Variants in ADPRH observed in about 807,000 individuals in gnomAD.
The protein encoded by ADPRH is ADP-ribosylarginine hydrolase.
In ADPRH, 27 loss-of-function variants were observed where a neutral mutation model predicts 28.8. That is an observed-to-expected ratio of 0.94 (90% CI 0.69 to 1.29). The LOEUF is 1.29. ADPRH is among the 50% of genes most tolerant of loss of function. The pLI is 0.00. For synonymous variants in ADPRH, 161 were observed against 166.9 expected (o/e 0.96, Z 0.27); for missense variants, 419 against 444.8 (o/e 0.94, Z 0.52).
chr3:119,582,272 C>A lies in ADPRH; in HGVS notation c.103C>A (p.Arg35=), dbSNP rs758479726. The change falls in exon 3 of 5, where the codon CGG becomes AGG. Residue 35 remains arginine (R), a synonymous_variant. Transcript: ENST00000357003. ...EFLQDGEKIH[R]QLAQLGGLDA... ...CCTCCAGGATGGGGAGAAGATACACCGGCAGTTGGCCCAGCTGGGCGGCTT... is the reference window on the plus strand; with the variant it reads ...CCTCCAGGATGGGGAGAAGATACACAGGCAGTTGGCCCAGCTGGGCGGCTT... 1 of 1,614,030 alleles carries A rather than the reference C, an allele frequency of 6.2e-7. No homozygotes were observed. Among genetic ancestry groups the A allele is most frequent in the African/African-American group, 1.3e-5 (1 of 74,910 alleles).
rs568146575 is a variant in ADPRH at position 119,588,108 on chromosome 3, G to A, written c.*230G>A. 18 of 380,764 alleles carry A rather than the reference G, an allele frequency of 4.7e-5. No homozygotes were observed. Among genetic ancestry groups the A allele is most frequent in the East Asian group, 2.7e-4 (7 of 25,766 alleles). 23.6% of individuals were successfully genotyped at this position (380,764 alleles called of 1,614,324 possible). Reference sequence around the variant, plus strand: ...CTTTAGCTCAATTGATAGGGTCAGCGTCTCGCAAGCAAAAAATCTCATGAC... The same window carrying A: ...CTTTAGCTCAATTGATAGGGTCAGCATCTCGCAAGCAAAAAATCTCATGAC... On this transcript the variant is annotated 3_prime_UTR_variant, in exon 5 of 5. Transcript: ENST00000357003.
At chr3:119,581,952 A>G (rs1290862250) in intron 2 of ADPRH, 182 bp from the exon 3 acceptor site, 1 of 511,626 alleles carries the variant, frequency 2.0e-6, no homozygotes, top group African/African-American at 1.9e-5. Flanking sequence ...ATGGTCCTCC[A>G]TTTGTTCATA....
At chr3:119,583,430 TC>T (rs2082426117) in intron 3 of ADPRH, among the ~76,000 whole-genome samples, 1 of 152,146 alleles carries the variant, frequency 6.6e-6, no homozygotes, top group Non-Finnish European at 1.5e-5. Flanking sequence ...AGCCTGATCA[TC>T]CCACATTGTT....
intron 3 of ADPRH, among the ~76,000 whole-genome samples, chr3:119,585,684 G>A (rs888006369): frequency 6.6e-6 from 1 of 152,136 alleles, no homozygotes; most frequent in Admixed American, 6.5e-5. Context: ...CAAATAGCTG[G>A]GACTACAGGC....
At position 119,589,306 on chromosome 3, in the gene ADPRH, A is replaced by C. The variant is rs182393205; in HGVS notation, c.*1428A>C. The C allele has an allele frequency of 6.6e-6, 1 of 152,436 alleles. No homozygotes were observed. The highest frequency in any genetic ancestry group is 1.9e-4 in the East Asian group (1 of 5,194). The allele number at this position is 152,436 out of a possible 1,614,324, so 9.4% of individuals were successfully genotyped here. ...TCGTCACATTCATTTGGTCACCCTC[A>C]GTCCAGCCAGTGGGCTTGCTCTCAT... On this transcript the variant is annotated 3_prime_UTR_variant, in exon 5 of 5. Transcript: ENST00000357003.
chr3:119,586,130 T>C (rs1257627903), intron 3 of ADPRH, among the ~76,000 whole-genome samples, 155 bp from the exon 4 acceptor site: 3 of 152,216 alleles, frequency 2.0e-5, no homozygotes, highest in African/African-American at 7.2e-5. Context: ...GGCACATTGT[T>C]GGGTGGGGTT....
intron 2 of ADPRH, 108 bp from the exon 3 acceptor site, chr3:119,582,026 C>A (rs1014831565): frequency 2.4e-6 from 2 of 824,448 alleles, no homozygotes; most frequent in African/African-American, 1.7e-5. Context: ...GCCACTGATA[C>A]AATGTCTGCA....
chr3:119,587,486 G>T lies in ADPRH; in HGVS notation c.682G>T (p.Glu228Ter). 1 of 1,553,316 alleles carries T rather than the reference G, an allele frequency of 6.4e-7. No homozygotes were observed. The highest frequency in any genetic ancestry group is 2.0e-5 in the Admixed American group (1 of 51,010). ...CAGGTCCTACTTCCAAACCAAATGG[G>T]AAAATTACCTAAAACTTAGAGGGAT... is the stretch of plus-strand genomic sequence containing the variant. ...QHWSYFQTKW[E>*]NYLKLRGILD... Residue 228 changes from glutamate to a stop codon, truncating the protein, a stop_gained, in exon 5 of 5, where the codon GAA (glutamate) becomes TAA (stop). Coordinates refer to ENST00000357003, the MANE Select transcript of ADPRH (RefSeq NM_001125.4). LOFTEE classifies it high-confidence loss of function.
In ADPRH at chr3:119,586,280, C is replaced by T. The variant is rs779502800; in HGVS notation, c.299-5C>T. ...ACCCCCATCCCTTATCCGACTCTTC[C>T]CCAGGTGGTGCCTCGGTGCACAACG... On this transcript the variant is annotated splice_polypyrimidine_tract_variant and splice_region_variant and intron_variant, in intron 3 of 4. Coordinates refer to ENST00000357003, the MANE Select transcript of ADPRH (RefSeq NM_001125.4). The T allele has an allele frequency of 6.2e-7, 1 of 1,612,748 alleles. No homozygotes were observed. The highest frequency in any genetic ancestry group is 8.5e-7 in the Non-Finnish European group (1 of 1,180,006).
At chr3:119,586,730 A>C in intron 4 of ADPRH, 85 bp downstream of exon 4, 1 of 1,544,964 alleles carries the variant, frequency 6.5e-7, no homozygotes. Context: ...TTGTATTCAG[A>C]GATCACAGCA....
Position 119,579,538 on chromosome 3 carries a change from C to T in ADPRH, c.-436C>T, listed in dbSNP as rs767775856. 2.6e-5 allele frequency: 4 copies of T among 152,292 alleles called. No homozygotes were observed. Among genetic ancestry groups the T allele is most frequent in the Non-Finnish European group, 5.9e-5 (4 of 68,078 alleles). 9.4% of individuals were successfully genotyped at this position (152,292 alleles called of 1,614,324 possible). ...TTCCGGTGCCGCCACATTCCGGGCA[C>T]CAGGCTCCGGGCTCTTCAGAGCATT... On this transcript the variant is annotated 5_prime_UTR_variant, in exon 1 of 5. Transcript: ENST00000357003.
In ADPRH at chr3:119,579,584, C is replaced by T. The variant is rs2082387109; in HGVS notation, c.-390C>T. 1 of 152,284 alleles carries T rather than the reference C, an allele frequency of 6.6e-6. No individual in the cohort carries two copies. Among genetic ancestry groups the T allele is most frequent in the South Asian group, 2.1e-4 (1 of 4,836 alleles). 9.4% of individuals were successfully genotyped at this position (152,284 alleles called of 1,614,324 possible). On this transcript the variant is annotated 5_prime_UTR_variant, in exon 1 of 5. Transcript: ENST00000357003. ...GCATTTGGGGCGGGCGACGGAGGTCCCGTCCACTCTCGCTTGGGTGCAGAA... is the reference window on the plus strand; with the variant it reads ...GCATTTGGGGCGGGCGACGGAGGTCTCGTCCACTCTCGCTTGGGTGCAGAA...
rs200850516 is a variant in ADPRH, at chr3:119,587,641, C to G, written c.837C>G (p.Tyr279Ter). The G allele has an allele frequency of 6.2e-7, 1 of 1,614,080 alleles. No homozygotes were observed. The highest frequency in any genetic ancestry group is 1.3e-5 in the African/African-American group (1 of 74,938). The change falls in exon 5 of 5, where the codon TAC (tyrosine) becomes TAG (stop). Residue 279 changes from tyrosine (Y) to a stop codon, truncating the protein, a stop_gained. Transcript: ENST00000357003. LOFTEE classifies it high-confidence loss of function. ...GGCACGATGCCCCCATGATTGCCTACGATGCTGTTCTTGCTGCAGGAGACT... is the reference window on the plus strand; with the variant it reads ...GGCACGATGCCCCCATGATTGCCTAGGATGCTGTTCTTGCTGCAGGAGACT... ...SSGHDAPMIAYDAVLAAGDSW... is the reference protein window; with the variant it reads ...SSGHDAPMIA
At position 119,589,228 on chromosome 3, in the gene ADPRH, C is replaced by CA. The variant is rs1201670894; in HGVS notation, c.*1351dup. On this transcript the variant is annotated 3_prime_UTR_variant, in exon 5 of 5. Coordinates refer to ENST00000357003, the MANE Select transcript of ADPRH (RefSeq NM_001125.4). ...GTGTGGTGCTGTGTGTCTTCTGGGT[C>CA]AGTCCTAGGCACATGCTGCCCAGCA... 3 of 152,260 alleles carry CA rather than the reference C, an allele frequency of 2.0e-5. No homozygotes were observed. The highest frequency in any genetic ancestry group is 4.4e-5 in the Non-Finnish European group (3 of 68,070). The allele number at this position is 152,260 out of a possible 1,614,324, so 9.4% of individuals were successfully genotyped here.
In ADPRH at chr3:119,589,760, C is replaced by T. The variant is rs2082498916; in HGVS notation, c.*1882C>T. 6.6e-6 allele frequency: 1 copy of T among 152,144 alleles called. No homozygotes were observed. Among genetic ancestry groups the T allele is most frequent in the African/African-American group, 2.4e-5 (1 of 41,430 alleles). The allele number at this position is 152,144 out of a possible 1,614,324, so 9.4% of individuals were successfully genotyped here. ...TTAGACTTTCAGACTTCTTTTTTCT[C>T]AAACCTCAAAACTTCCACCCCAAAC... On this transcript the variant is annotated 3_prime_UTR_variant, in exon 5 of 5. Transcript: ENST00000357003.
In ADPRH at chr3:119,583,934, C is replaced by T. The variant is rs138557822; in HGVS notation, c.298+1467C>T. Among the ~76,000 whole-genome samples the T allele has an allele frequency of 1.1e-3, 167 of 151,966 alleles. 4 individuals are homozygous for T. Among genetic ancestry groups the T allele is most frequent in the African/African-American group, 3.7e-3 (153 of 41,432 alleles). ...CTGGGATTACAGGCACGCACCACCA[C>T]GTCTGGCTAATTTTTGTATTTTTGG... On this transcript the variant is annotated intron_variant, in intron 3 of 4. Coordinates refer to ENST00000357003, the MANE Select transcript of ADPRH (RefSeq NM_001125.4).
At chr3:119,585,024 T>A (rs1318166024) in intron 3 of ADPRH, among the ~76,000 whole-genome samples, 1 of 152,146 alleles carries the variant, frequency 6.6e-6, no homozygotes, top group African/African-American at 2.4e-5. Flanking sequence ...AGGCCCTATC[T>A]CCAAATCGAG....
rs573395190 is a variant in ADPRH, at chr3:119,579,801, G to A, written c.-173G>A. On this transcript the variant is annotated 5_prime_UTR_variant, in exon 1 of 5. Transcript: ENST00000357003. Reference sequence around the variant, plus strand: ...AGCCAAGGCCTCTTCCCCGGCCCCGGGAGCCCGCGCCACGCCCGTCGCTCG... The same window carrying A: ...AGCCAAGGCCTCTTCCCCGGCCCCGAGAGCCCGCGCCACGCCCGTCGCTCG... 2 of 153,174 alleles carry A rather than the reference G, an allele frequency of 1.3e-5. No homozygotes were observed. Among genetic ancestry groups the A allele is most frequent in the African/African-American group, 4.8e-5 (2 of 41,494 alleles). 9.5% of individuals were successfully genotyped at this position (153,174 alleles called of 1,614,324 possible).
At chr3:119,580,446 T>C (rs2082395488) in intron 1 of ADPRH, 105 bp from the exon 2 acceptor site, 1 of 152,170 alleles carries the variant, frequency 6.6e-6, no homozygotes, top group Non-Finnish European at 1.5e-5. Context: ...AATAATAAAC[T>C]ATGTAAATAA....
Sources: gnomAD v4.1 joint callset for allele counts (sites outside exome capture counted in the v4.1 genomes callset) on GRCh38, gnomAD v4.1.1 for gene constraint, MANE v1.5 for transcripts, NCBI Gene and HGNC (gene_info 2026-07-23, HGNC 2026-07-21) for gene names.